The following C1R variants were observed in gnomAD, a reference collection of about 807,000 sequenced individuals.
The protein encoded by C1R is complement C1r subcomponent.
In C1R, 15 loss-of-function variants were observed where a neutral mutation model predicts 27.6. That is an observed-to-expected ratio of 0.54 (90% CI 0.36 to 0.84). The LOEUF is 0.84. Ranked by LOEUF, C1R falls within the 40% of genes least tolerant of loss-of-function variation. C1R has a pLI of 0.01. For missense variants in C1R, 544 were observed against 577.9 expected (o/e 0.94, Z 0.60); for synonymous variants, 253 against 228.8 (o/e 1.11, Z -0.95).
In C1R at chr12:7,091,804, A is replaced by G. The variant is rs1316600967; in HGVS notation, c.3-124T>C. ...GCATTCTCCTCTCTGCCCACCCTGA[A>G]CCTCACAGACATGTTCTCAGCAGGG... On this transcript the variant is annotated intron_variant, in intron 1 of 10. Coordinates refer to ENST00000647956, the MANE Select transcript of C1R (RefSeq NM_001733.7). The surrounding 1 kb of genome is among the most constrained non-coding windows in gnomAD (Gnocchi z 5.1). 2 of 709,686 alleles carry G rather than the reference A, an allele frequency of 2.8e-6. No individual in the cohort carries two copies. The highest frequency in any genetic ancestry group is 1.5e-5 in the South Asian group (1 of 66,766). 44.0% of individuals were successfully genotyped at this position (709,686 alleles called of 1,614,324 possible).
chr12:7,083,421 T>C (rs1938101079), intron 9 of C1R, among the ~76,000 whole-genome samples: 1 of 152,168 alleles, frequency 6.6e-6, no homozygotes, highest in East Asian at 1.9e-4. Flanking sequence ...GTGATAATGG[T>C]AGTGATGATG....
At chr12:7,086,549 A>G (rs1437063614) in intron 7 of C1R, 92 bp from the exon 8 acceptor site, 5 of 395,920 alleles carry the variant, frequency 1.3e-5, no homozygotes, top group African/African-American at 8.3e-5. Context: ...AGGCAATACC[A>G]AGACATCTCT....
intron 10 of C1R, 119 bp downstream of exon 10, chr12:7,081,913 C>CT: frequency 1.2e-6 from 1 of 802,226 alleles, no homozygotes; most frequent in South Asian, 1.9e-5. Context: ...CCCTCTCTCC[C>CT]TTTCTCCTGG....
At position 7,085,965 on chromosome 12, in the gene C1R, G is replaced by A. The variant is rs1938151026; in HGVS notation, c.1169C>T (p.Thr390Ile). The change falls in exon 9 of 11, where the codon ACC becomes ATC. Residue 390 changes from threonine to isoleucine, a missense_variant. Thr to Ile is a moderately conservative substitution (Grantham distance 89). Around this residue, in one of 2 missense-constraint regions of C1R, gnomAD observed 291 missense variants for 209.0 expected, o/e 1.39. Coordinates refer to ENST00000647956, the MANE Select transcript of C1R (RefSeq NM_001733.7). ...GTAGGTGTTCACTCCCATTGTGGTG[G>A]TGTAACGGAAGTCACCATTAGGCAG... ...RNLPNGDFRY[T>I]TTMGVNTYKA... 7 of 398,664 alleles carry A rather than the reference G, an allele frequency of 1.8e-5. No individual in the cohort carries two copies. The East Asian group carries it at 2.5e-4, about 14-fold the overall frequency. The allele number at this position is 398,664 out of a possible 1,614,324, so 24.7% of individuals were successfully genotyped here.
intron 2 of C1R, 29 bp from the exon 3 acceptor site, chr12:7,090,277 G>A: frequency 1.4e-6 from 1 of 711,598 alleles, no homozygotes; most frequent in Non-Finnish European, 2.6e-6. Flanking sequence ...GGGGTAGGAA[G>A]AAGATCTGTT....
intron 7 of C1R, among the ~76,000 whole-genome samples, chr12:7,088,083 A>G (rs368231941): frequency 1.3e-5 from 2 of 152,204 alleles, no homozygotes; most frequent in Non-Finnish European, 2.9e-5. Context: ...AGGAGGCAGG[A>G]GATTGGCGTC....
At position 7,091,292 on chromosome 12, in the gene C1R, C is replaced by G; in HGVS notation, c.231+160G>C. ...CAGTGCTCACCGAGGGCCTCTACAC[C>G]AGTGAGCGCCCATCCAGGGCATCCC... On this transcript the variant is annotated intron_variant, in intron 2 of 10. Transcript: ENST00000647956. This position sits in a 1 kb window ranked among gnomAD's most constrained non-coding sequence, Gnocchi z 5.1. The G allele has an allele frequency of 1.6e-6, 1 of 624,042 alleles. No individual in the cohort carries two copies. Among genetic ancestry groups the G allele is most frequent in the Admixed American group, 2.9e-5 (1 of 34,184 alleles). The allele number at this position is 624,042 out of a possible 1,614,324, so 38.7% of individuals were successfully genotyped here.
At chr12:7,085,500 C>A (rs925027031) in intron 9 of C1R, among the ~76,000 whole-genome samples, 1 of 148,412 alleles carries the variant, frequency 6.7e-6, no homozygotes, top group African/African-American at 2.5e-5. Flanking sequence ...GTGGTGATGG[C>A]GGTGATGGTG....
At chr12:7,083,032 C>G (rs1386288573) in intron 9 of C1R, among the ~76,000 whole-genome samples, 2 of 152,116 alleles carry the variant, frequency 1.3e-5, no homozygotes, top group African/African-American at 4.8e-5. Flanking sequence ...TGTTTCAAAC[C>G]TATAATGCAT....
intron 5 of C1R, 107 bp downstream of exon 5, chr12:7,089,186 C>G: frequency 1.5e-6 from 1 of 678,130 alleles, no homozygotes; most frequent in South Asian, 1.6e-5. Flanking sequence ...TGATGTTGGC[C>G]GTTCCTGCCC....
In C1R at chr12:7,083,575, A is replaced by T. The variant is rs1157014696; in HGVS notation, c.1274-1469T>A. ...CGACAGTGGTGTTGGTAATGGTGAT[A>T]GTGGTGATGGTGTTACTGTTGGTGG... On this transcript the variant is annotated intron_variant, in intron 9 of 10. Coordinates refer to ENST00000647956, the MANE Select transcript of C1R (RefSeq NM_001733.7). Among the ~76,000 whole-genome samples, 34 of 143,690 alleles carry T rather than the reference A, an allele frequency of 2.4e-4. No homozygotes were observed. In the East Asian group the frequency reaches 7.2e-3, roughly 31 times the overall value. The allele number at this position is 143,690 out of a possible 152,430, so 94.3% of individuals were successfully genotyped here.
chr12:7,086,456 C>G lies in C1R; in HGVS notation c.1040G>C (p.Gly347Ala), dbSNP rs1205480141. ...TCKQGYQLIEGNQVLHSFTAV... is the reference protein window; with the variant it reads ...TCKQGYQLIEANQVLHSFTAV... Reference sequence around the variant, plus strand: ...TGTGAAGGAATGCAGCACCTGGTTCCCCTGTTGAGCAGAGGATAGAGGTGC... The same window carrying G: ...TGTGAAGGAATGCAGCACCTGGTTCGCCTGTTGAGCAGAGGATAGAGGTGC... Residue 347 changes from glycine (G) to alanine (A), a missense_variant and splice_region_variant, in exon 8 of 11, where the codon GGG (glycine) becomes GCG (alanine). Gly to Ala is a moderately conservative substitution (Grantham distance 60). Coordinates refer to ENST00000647956, the MANE Select transcript of C1R (RefSeq NM_001733.7). 5.0e-6 allele frequency: 2 copies of G among 398,560 alleles called. No individual in the cohort carries two copies. The highest frequency in any genetic ancestry group is 4.1e-5 in the African/African-American group (2 of 48,622). 24.7% of individuals were successfully genotyped at this position (398,560 alleles called of 1,614,324 possible). A position where few individuals can be genotyped will look rare whatever the true frequency, so the allele number is the denominator to read the frequency against.
At chr12:7,085,307 GTGA>G (rs1938134196) in intron 9 of C1R, among the ~76,000 whole-genome samples, 1 of 146,672 alleles carries the variant, frequency 6.8e-6, no homozygotes, top group Non-Finnish European at 1.5e-5. Flanking sequence ...GGTGATGGTG[GTGA>G]TGGTGGTGTT....
chr12:7,081,882 G>A, intron 10 of C1R, 150 bp downstream of exon 10: 1 of 598,474 alleles, frequency 1.7e-6, no homozygotes, highest in Non-Finnish European at 2.8e-6. Flanking sequence ...CAGCATTTCG[G>A]GACTGAATTC....
Position 7,080,497 on chromosome 12 carries a change from C to A in C1R, c.*35G>T. On this transcript the variant is annotated 3_prime_UTR_variant, in exon 11 of 11. Transcript: ENST00000647956. The surrounding 1 kb of genome is among the most constrained non-coding windows in gnomAD (Gnocchi z 4.9). ...TGTTTTTTGTTTTTTTTTTTCCACA[C>A]TGCTCTCTGGATTCGAACCTAGTGA... The A allele has an allele frequency of 3.3e-6, 5 of 1,512,566 alleles. No homozygotes were observed. Among genetic ancestry groups the A allele is most frequent in the Non-Finnish European group, 4.4e-6 (5 of 1,131,134 alleles). 93.7% of individuals were successfully genotyped at this position (1,512,566 alleles called of 1,614,324 possible). A position where few individuals can be genotyped will look rare whatever the true frequency, so the allele number is the denominator to read the frequency against.
intron 9 of C1R, among the ~76,000 whole-genome samples, chr12:7,084,731 G>T (rs1331560270): frequency 2.7e-5 from 4 of 149,986 alleles, no homozygotes; most frequent in African/African-American, 5.0e-5. Context: ...GATGGTGTTG[G>T]TGGTGGTGAT....
At chr12:7,087,484 T>C (rs1348616379) in intron 7 of C1R, 1 of 154,446 alleles carries the variant, frequency 6.5e-6, no homozygotes, top group Non-Finnish European at 1.5e-5. Flanking sequence ...GAGTAAAATG[T>C]AGGTAATGTG....
intron 8 of C1R, 109 bp downstream of exon 8, chr12:7,086,270 G>A (rs1176223934): frequency 1.0e-5 from 4 of 397,650 alleles, no homozygotes; most frequent in African/African-American, 8.2e-5. Context: ...GTCAGGGTGA[G>A]GGTCTCTTGG....
In C1R at chr12:7,090,334, C is replaced by T. The variant is rs772270328; in HGVS notation, c.232-86G>A. On this transcript the variant is annotated intron_variant, in intron 2 of 10. Coordinates refer to ENST00000647956, the MANE Select transcript of C1R (RefSeq NM_001733.7). Reference sequence around the variant, plus strand: ...CTCAGTGATGGTCCTCCTTGTCTCGCCCAGAGTGCATCATGCACCACAATG... The same window carrying T: ...CTCAGTGATGGTCCTCCTTGTCTCGTCCAGAGTGCATCATGCACCACAATG... 124 of 656,226 alleles carry T rather than the reference C, an allele frequency of 1.9e-4. 1 individual carries two copies. In the South Asian group the frequency reaches 2.1e-3, roughly 11 times the overall value. 40.7% of individuals were successfully genotyped at this position (656,226 alleles called of 1,614,324 possible).
Sources: gnomAD v4.1 joint callset for allele counts (sites outside exome capture counted in the v4.1 genomes callset) on GRCh38, gnomAD v4.1.1 for gene constraint, gnomAD v4.1.1 regional missense constraint, Gnocchi (gnomAD v3.1) non-coding constraint, MANE v1.5 for transcripts, NCBI Gene and HGNC (gene_info 2026-07-23, HGNC 2026-07-21) for gene names.